Variants in ANKRD27 observed in about 807,000 individuals in gnomAD.
The protein encoded by ANKRD27 is ankyrin repeat domain 27, also known as ankyrin repeat domain-containing protein 27.
In ANKRD27, 112 loss-of-function variants were observed where a neutral mutation model predicts 129.7. The observed-to-expected ratio is 0.86, with a 90% confidence interval of 0.74 to 1.01. The LOEUF is 1.01. ANKRD27 is among the 50% of genes least tolerant of loss of function. ANKRD27 has a pLI of 0.00. For missense variants in ANKRD27, 1,258 were observed against 1,300.5 expected (o/e 0.97, Z 0.50); for synonymous variants, 516 against 511.2 (o/e 1.01, Z -0.13).
At position 32,673,508 on chromosome 19, in the gene ANKRD27, C is replaced by T. The variant is rs138118318; in HGVS notation, c.-31+1563G>A. ...CAACTTCTCTGCTAGGTGCTCAGGA[C>T]CTGGCACATCTGGCCTCTGGCCACC... is the stretch of plus-strand genomic sequence containing the variant. On this transcript the variant is annotated intron_variant, in intron 1 of 28. Coordinates refer to ENST00000306065, the MANE Select transcript of ANKRD27 (RefSeq NM_032139.3). 4.2e-4 allele frequency: 407 copies of T among 959,282 alleles called. No individual in the cohort carries two copies. In the African/African-American group the frequency reaches 6.7e-3, roughly 16 times the overall value. The allele number at this position is 959,282 out of a possible 1,614,324, so 59.4% of individuals were successfully genotyped here. A position where few individuals can be genotyped will look rare whatever the true frequency, so the allele number is the denominator to read the frequency against.
chr19:32,663,385 C>T (rs768183278), intron 1 of ANKRD27, among the ~76,000 whole-genome samples: 4 of 152,200 alleles, frequency 2.6e-5, no homozygotes, highest in Non-Finnish European at 5.9e-5. Context: ...TGTTACACAG[C>T]AAAGGCTACC....
intron 2 of ANKRD27, among the ~76,000 whole-genome samples, chr19:32,658,099 C>T (rs188833782): frequency 1.3e-5 from 2 of 152,294 alleles, no homozygotes; most frequent in African/African-American, 4.8e-5. Context: ...CCTCAGGCAC[C>T]TCACATATCT....
intron 1 of ANKRD27, among the ~76,000 whole-genome samples, chr19:32,667,227 C>G (rs937756883): frequency 6.6e-6 from 1 of 152,272 alleles, no homozygotes; most frequent in Non-Finnish European, 1.5e-5. Context: ...TAACATGCTG[C>G]ACGGCCCCTG....
chr19:32,616,743 G>A (rs1392246482), intron 21 of ANKRD27, among the ~76,000 whole-genome samples: 1 of 152,066 alleles, frequency 6.6e-6, no homozygotes, highest in Non-Finnish European at 1.5e-5. Context: ...GCCCAGGGCT[G>A]GCGGCTCCAT....
Position 32,629,746 on chromosome 19 carries a change from A to T in ANKRD27, c.1210-897T>A, listed in dbSNP as rs775587537. On this transcript the variant is annotated intron_variant, in intron 13 of 28. Transcript: ENST00000306065. Reference sequence around the variant, plus strand: ...AAAAAAACAACATGACAAAATCCATAAAGCAATAGGAATGGCGGGCAGACA... The same window carrying T: ...AAAAAAACAACATGACAAAATCCATTAAGCAATAGGAATGGCGGGCAGACA... Among the ~76,000 whole-genome samples the T allele has an allele frequency of 3.4e-4, 52 of 151,972 alleles. 1 individual carries two copies. The highest frequency in any genetic ancestry group is 1.3e-4 in the Non-Finnish European group (9 of 67,990).
chr19:32,653,189 T>C (rs1336121052), intron 2 of ANKRD27, among the ~76,000 whole-genome samples: 3 of 152,054 alleles, frequency 2.0e-5, no homozygotes, highest in Non-Finnish European at 2.9e-5. Flanking sequence ...CCACGGCTTG[T>C]TGGAAGCATC....
At chr19:32,611,314 C>A (rs191916891) in intron 22 of ANKRD27, among the ~76,000 whole-genome samples, 1 of 152,290 alleles carries the variant, frequency 6.6e-6, no homozygotes, top group Admixed American at 6.5e-5. Context: ...CTAGGGAACA[C>A]CATCTGCCTT....
intron 22 of ANKRD27, among the ~76,000 whole-genome samples, chr19:32,608,060 G>A (rs1438336701): frequency 6.6e-6 from 1 of 151,720 alleles, no homozygotes; most frequent in Non-Finnish European, 1.5e-5. Flanking sequence ...GAGTGCAGTG[G>A]CACCACCATC....
chr19:32,598,282 G>C lies in ANKRD27; in HGVS notation c.3016C>G (p.Pro1006Ala). The change falls in exon 29 of 29, where the codon CCT becomes GCT. Residue 1006 changes from proline (P) to alanine (A), a missense_variant. Pro to Ala is a conservative substitution (Grantham distance 27, BLOSUM62 -1). Transcript: ENST00000306065. ...CCAGGGCCAGTCTGTGTCAGTCCAG[G>C]CCTCTCTGGCCAGTCGCTGTTGCCT... is the stretch of plus-strand genomic sequence containing the variant. ...EKGNSDWPERPGLTQTGPGHR... is the reference protein window; with the variant it reads ...EKGNSDWPERAGLTQTGPGHR... 1 of 1,614,168 alleles carries C rather than the reference G, an allele frequency of 6.2e-7. No homozygotes were observed. The highest frequency in any genetic ancestry group is 8.5e-7 in the Non-Finnish European group (1 of 1,180,044).
At chr19:32,660,641 C>T (rs1967626949) in intron 1 of ANKRD27, among the ~76,000 whole-genome samples, 1 of 152,224 alleles carries the variant, frequency 6.6e-6, no homozygotes, top group South Asian at 2.1e-4. Flanking sequence ...GCAGGATCTT[C>T]ACCTTGTACT....
chr19:32,632,916 C>T (rs1394595588), intron 12 of ANKRD27, among the ~76,000 whole-genome samples: 2 of 152,206 alleles, frequency 1.3e-5, no homozygotes, highest in African/African-American at 4.8e-5. Context: ...ATGCAGGGTC[C>T]TCCCAGCAGT....
chr19:32,597,627 T>C lies in ANKRD27; in HGVS notation c.*518A>G, dbSNP rs571651543. 6.5e-6 allele frequency: 1 copy of C among 154,760 alleles called. No homozygotes were observed. The allele number at this position is 154,760 out of a possible 1,614,324, so 9.6% of individuals were successfully genotyped here. On this transcript the variant is annotated 3_prime_UTR_variant, in exon 29 of 29. Coordinates refer to ENST00000306065, the MANE Select transcript of ANKRD27 (RefSeq NM_032139.3). ...GGCATCTTTTGGTTCGAGTGTTGCT[T>C]TGCAAAGAAACATTGTCCAGCTGCT...
In ANKRD27 at chr19:32,605,859, G is replaced by A. The variant is rs187687938; in HGVS notation, c.2469C>T (p.His823=). ...PLIYACSGGH[H]ELVALLLQHG... ...CCTGTAGCAGCAGTGCCACAAGCTC[G>A]TGATGGCCACCGGAGCAGGCGTAAA... The change falls in exon 24 of 29, where the codon CAC becomes CAT. Residue 823 remains histidine (H), a synonymous_variant. Transcript: ENST00000306065. 8.7e-5 allele frequency: 141 copies of A among 1,613,920 alleles called. 1 individual carries two copies. In the East Asian group the frequency reaches 2.3e-3, roughly 26 times the overall value.
At chr19:32,656,108 A>AAAGAAAGAAAGAAAGAAAG (rs3042683) in intron 2 of ANKRD27, among the ~76,000 whole-genome samples, 6 of 103,324 alleles carry the variant, frequency 5.8e-5, no homozygotes, top group African/African-American at 1.9e-4. Context: ...AGAAAGAAAG[A>AAAGAAAGAAAGAAAGAAAG]AAAGAAAAGA....
At chr19:32,667,052 T>C (rs1186785173) in intron 1 of ANKRD27, among the ~76,000 whole-genome samples, 1 of 152,212 alleles carries the variant, frequency 6.6e-6, no homozygotes, top group Non-Finnish European at 1.5e-5. Flanking sequence ...ATGAGGGTCA[T>C]TTCCATGCCA....
At chr19:32,643,751 C>T (rs937762503) in intron 5 of ANKRD27, 120 bp from the exon 6 acceptor site, 41 of 1,018,796 alleles carry the variant, frequency 4.0e-5, no homozygotes, top group South Asian at 9.6e-5. Context: ...AAGTCAATTA[C>T]GTGATTTTTC....
At chr19:32,652,664 AC>A (rs1967441399) in intron 2 of ANKRD27, among the ~76,000 whole-genome samples, 1 of 152,066 alleles carries the variant, frequency 6.6e-6, no homozygotes, top group South Asian at 2.1e-4. Context: ...GAGGTGGCTC[AC>A]GCCTGTAATC....
chr19:32,672,531 A>C (rs78201741), intron 1 of ANKRD27, among the ~76,000 whole-genome samples: 3,413 of 152,276 alleles, frequency 0.022, 142 homozygotes, highest in African/African-American at 0.078. Flanking sequence ...TCCACTGTCC[A>C]TATCCAGGGT....
intron 1 of ANKRD27, among the ~76,000 whole-genome samples, chr19:32,662,537 G>A (rs1358099469): frequency 6.6e-6 from 1 of 152,046 alleles, no homozygotes; most frequent in Admixed American, 6.6e-5. Context: ...AGGAGTTCAA[G>A]ACTAGCCTGG....
Sources: gnomAD v4.1 joint callset for allele counts (sites outside exome capture counted in the v4.1 genomes callset) on GRCh38, gnomAD v4.1.1 for gene constraint, MANE v1.5 for transcripts, NCBI Gene and HGNC (gene_info 2026-07-23, HGNC 2026-07-21) for gene names.